Variants in SARS2 observed in about 807,000 individuals in gnomAD.
The protein encoded by SARS2 is seryl-tRNA synthetase 2, mitochondrial, also known as serine--tRNA ligase, mitochondrial.
A neutral mutation model predicts 66.8 loss-of-function variants in SARS2; 52 were observed. That is an observed-to-expected ratio of 0.78 (90% CI 0.62 to 0.98). SARS2 has a LOEUF of 0.98. Among genes scored for constraint, SARS2 ranks in the 50% least tolerant of loss-of-function variants. SARS2 has a pLI of 0.00. For missense variants in SARS2, 673 were observed against 706.3 expected, an observed-to-expected ratio of 0.95 and a Z score of 0.53; for synonymous variants, 306 against 281.4, an observed-to-expected ratio of 1.09 and a Z score of -0.87.
At chr19:38,923,219 C>CTTTTT (rs1165441029) in intron 2 of SARS2, among the ~76,000 whole-genome samples, 5 of 75,760 alleles carry the variant, frequency 6.6e-5, no homozygotes, top group Non-Finnish European at 9.4e-5. Context: ...CTCAGGTTTT[C>CTTTTT]TTTTTTTTTT....
Position 38,930,674 on chromosome 19 carries a change from C to T in SARS2, c.63G>A (p.Arg21=). ...PLLTRRGFRP[R]GGCISNDSPR... ...GACTATCGTTGGAGATGCAGCCTCCCCGGGGCCGGAACCCCCGACGAGTCA... is the reference window on the plus strand; with the variant it reads ...GACTATCGTTGGAGATGCAGCCTCCTCGGGGCCGGAACCCCCGACGAGTCA... Residue 21 remains arginine (R), a synonymous_variant, in exon 1 of 16, where the codon CGG becomes CGA. Transcript: ENST00000221431. 6.2e-7 allele frequency: 1 copy of T among 1,614,068 alleles called. No homozygotes were observed. Among genetic ancestry groups the T allele is most frequent in the East Asian group, 2.2e-5 (1 of 44,882 alleles).
intron 12 of SARS2, among the ~76,000 whole-genome samples, chr19:38,917,331 C>T (rs905986647): frequency 7.9e-5 from 12 of 152,218 alleles, no homozygotes; most frequent in Admixed American, 5.2e-4. Flanking sequence ...TTGAAAGCTG[C>T]GTGTGACTGA....
At chr19:38,929,417 G>T (rs980984109) in intron 1 of SARS2, among the ~76,000 whole-genome samples, 1 of 151,892 alleles carries the variant, frequency 6.6e-6, no homozygotes, top group African/African-American at 2.4e-5. Context: ...TTAGCCGGGC[G>T]TGGTGGTGTC....
intron 1 of SARS2, among the ~76,000 whole-genome samples, chr19:38,927,203 G>A (rs1974642737): frequency 6.6e-6 from 1 of 152,078 alleles, no homozygotes. Context: ...CTCCCAAAGT[G>A]CTGGGATTGC....
At position 38,918,026 on chromosome 19, in the gene SARS2, A is replaced by G; in HGVS notation, c.963-18T>C. 1 of 1,599,868 alleles carries G rather than the reference A, an allele frequency of 6.3e-7. No homozygotes were observed. Among genetic ancestry groups the G allele is most frequent in the Non-Finnish European group, 8.5e-7 (1 of 1,173,070 alleles). ...AAACCATCCTGGCAGAGAGCAGGGA[A>G]AGTCGGGTCAAGGAGGGAAGACTGA... On this transcript the variant is annotated intron_variant, in intron 10 of 15. Coordinates refer to ENST00000221431, the MANE Select transcript of SARS2 (RefSeq NM_017827.4).
chr19:38,921,318 G>A, intron 5 of SARS2, 74 bp downstream of exon 5: 2 of 1,526,730 alleles, frequency 1.3e-6, no homozygotes, highest in Non-Finnish European at 8.9e-7. Flanking sequence ...CAGACCCCAG[G>A]GGCCCCCACC....
intron 1 of SARS2, among the ~76,000 whole-genome samples, chr19:38,928,813 A>G (rs371446509): frequency 9.2e-5 from 14 of 152,314 alleles, no homozygotes; most frequent in African/African-American, 3.1e-4. Flanking sequence ...TTGCCTTCAC[A>G]GCATTTACCA....
At chr19:38,918,887 T>C in intron 7 of SARS2, 74 bp from the exon 8 acceptor site, 3 of 1,421,742 alleles carry the variant, frequency 2.1e-6, no homozygotes, top group Non-Finnish European at 2.9e-6. Flanking sequence ...GAAGAAGGGG[T>C]GCTGCAGAGC....
intron 1 of SARS2, among the ~76,000 whole-genome samples, chr19:38,929,625 C>A (rs1974694931): frequency 6.6e-6 from 1 of 151,770 alleles, no homozygotes; most frequent in African/African-American, 2.4e-5. Context: ...TCCCACTCTG[C>A]CACTTCCCAG....
At position 38,921,495 on chromosome 19, in the gene SARS2, CT is replaced by C. The variant is rs1974535221; in HGVS notation, c.534+31del. On this transcript the variant is annotated intron_variant, in intron 4 of 15. Transcript: ENST00000221431. ...CGGAAAGGTGGCACTAGGTGGGCCCCTGGCCTCCCTGCCACCCAGCACGGTG... is the reference window on the plus strand; with the variant it reads ...CGGAAAGGTGGCACTAGGTGGGCCCCGGCCTCCCTGCCACCCAGCACGGTG... 4.3e-6 allele frequency: 7 copies of C among 1,614,054 alleles called. No individual in the cohort carries two copies. In the African/African-American group the frequency reaches 9.3e-5, roughly 22 times the overall value.
chr19:38,919,119 C>T (rs578166641), intron 7 of SARS2, among the ~76,000 whole-genome samples: 17 of 148,032 alleles, frequency 1.1e-4, no homozygotes, highest in Non-Finnish European at 2.1e-4. Context: ...CGAACTCTGT[C>T]AAAAAGAAAA....
chr19:38,916,413 GA>G, intron 12 of SARS2, 99 bp from the exon 13 acceptor site: 3 of 1,090,806 alleles, frequency 2.8e-6, no homozygotes, highest in Non-Finnish European at 4.1e-6. Context: ...CAAAAAGCAG[GA>G]AAAAGCCCAG....
chr19:38,930,476 G>A lies in SARS2; in HGVS notation c.261C>T (p.Pro87=). The A allele has an allele frequency of 6.3e-7, 1 of 1,596,612 alleles. No homozygotes were observed. Among genetic ancestry groups the A allele is most frequent in the South Asian group, 1.1e-5 (1 of 90,850 alleles). The change falls in exon 1 of 16, where the codon CCC becomes CCT. Residue 87 remains proline (P), a synonymous_variant. Transcript: ENST00000221431. ...RKGELRSADL[P]AIISTWQELR... ...CCGGCGCAGGCGCACTCACGATCGCGGGCAGGTCCGCCGAGCGCAGCTCCC... is the reference window on the plus strand; with the variant it reads ...CCGGCGCAGGCGCACTCACGATCGCAGGCAGGTCCGCCGAGCGCAGCTCCC...
At chr19:38,929,823 C>A (rs578083306) in intron 1 of SARS2, among the ~76,000 whole-genome samples, 1 of 152,338 alleles carries the variant, frequency 6.6e-6, no homozygotes, top group Admixed American at 6.5e-5. Flanking sequence ...GGGGACCCCA[C>A]TATCGTTAGC....
chr19:38,920,832 GAC>G (rs1485894815), intron 5 of SARS2, among the ~76,000 whole-genome samples: 1 of 149,590 alleles, frequency 6.7e-6, no homozygotes, highest in Non-Finnish European at 1.5e-5. Flanking sequence ...CATACACACA[GAC>G]ACAGAGAAAG....
intron 9 of SARS2, 87 bp downstream of exon 9, chr19:38,918,335 G>T: frequency 1.5e-6 from 2 of 1,323,530 alleles, no homozygotes; most frequent in Non-Finnish European, 2.2e-6. Flanking sequence ...GCTCGGGGCA[G>T]GTGATCCCCC....
rs947021117 is a variant in SARS2 at position 38,921,466 on chromosome 19, G to A, written c.535-20C>T. 13 of 1,614,042 alleles carry A rather than the reference G, an allele frequency of 8.1e-6. No homozygotes were observed. The highest frequency in any genetic ancestry group is 2.5e-6 in the Non-Finnish European group (3 of 1,180,034). On this transcript the variant is annotated intron_variant, in intron 4 of 15. Transcript: ENST00000221431. ...GACGGGCTGCAGGGAGACAGCAGGA[G>A]TCACGGAAAGGTGGCACTAGGTGGG...
intron 12 of SARS2, among the ~76,000 whole-genome samples, chr19:38,916,559 G>C (rs993649948): frequency 6.6e-6 from 1 of 150,574 alleles, no homozygotes; most frequent in South Asian, 2.1e-4. Context: ...GTACATGGAG[G>C]GGGAAGCACA....
At chr19:38,921,950 G>C in intron 3 of SARS2, 2 of 1,544,890 alleles carry the variant, frequency 1.3e-6, no homozygotes, top group South Asian at 2.4e-5. Flanking sequence ...TCAGCCCCAG[G>C]ACTTTAACTG....
Sources: allele counts gnomAD v4.1 joint callset (sites outside exome capture counted in the v4.1 genomes callset), GRCh38; gene constraint gnomAD v4.1.1; transcripts MANE v1.5; gene names NCBI Gene and HGNC (gene_info 2026-07-23, HGNC 2026-07-21).